Variants in RBFOX1 observed in about 807,000 individuals in gnomAD.
The protein encoded by RBFOX1 is RNA binding fox-1 homolog 1.
Under a neutral mutation model 57.7 loss-of-function variants are expected in RBFOX1, and 8 were observed. That is an observed-to-expected ratio of 0.14 (90% confidence interval 0.08 to 0.25). The LOEUF (loss-of-function observed/expected upper bound fraction) is 0.25. RBFOX1 is among the 10% of genes least tolerant of loss of function. The pLI, the probability that RBFOX1 is intolerant of heterozygous loss-of-function variation, is 1.00. For missense variants in RBFOX1, 611 were observed against 548.5 expected, an observed-to-expected ratio of 1.11 and a Z score of -1.14; for synonymous variants, 326 against 222.4, an observed-to-expected ratio of 1.47 and a Z score of -4.15.
intron 14 of RBFOX1, among the ~76,000 whole-genome samples, chr16:7,683,793 T>C (rs1191055727): frequency 6.6e-6 from 1 of 152,046 alleles, no homozygotes; most frequent in Non-Finnish European, 1.5e-5. Context: ...GGTGTAGCTC[T>C]GTTGAGAATA....
intron 3 of RBFOX1, among the ~76,000 whole-genome samples, chr16:5,683,598 A>G (rs1049648415): frequency 6.6e-6 from 1 of 151,958 alleles, no homozygotes; most frequent in Non-Finnish European, 1.5e-5. Context: ...CCCATGCTGG[A>G]TGCCTCCTGC....
chr16:7,418,539 A>AT (rs1416561284), intron 4 of RBFOX1, among the ~76,000 whole-genome samples: 3 of 152,210 alleles, frequency 2.0e-5, no homozygotes, highest in Non-Finnish European at 4.4e-5. Context: ...ATCTGATGCC[A>AT]TTAAAGTCTC....
intron 1 of RBFOX1, among the ~76,000 whole-genome samples, chr16:6,091,524 G>A (rs1163852297): frequency 3.1e-5 from 3 of 96,730 alleles, no homozygotes; most frequent in African/African-American, 2.0e-4. Flanking sequence ...TACATGGTAG[G>A]TATTCAAAAA....
intron 4 of RBFOX1, among the ~76,000 whole-genome samples, chr16:7,428,485 C>T (rs923463206): frequency 7.1e-6 from 1 of 140,454 alleles, no homozygotes; most frequent in Non-Finnish European, 1.5e-5. Flanking sequence ...CACTACCACT[C>T]CTGGCTATTT....
intron 4 of RBFOX1, among the ~76,000 whole-genome samples, chr16:7,376,170 T>C (rs549041569): frequency 5.3e-5 from 8 of 152,318 alleles, no homozygotes; most frequent in South Asian, 2.1e-4. Context: ...TTGGAACATA[T>C]ATGTTTATGA....
At chr16:6,699,299 CTTTTT>C (rs36062118) in intron 3 of RBFOX1, among the ~76,000 whole-genome samples, 3 of 141,624 alleles carry the variant, frequency 2.1e-5, no homozygotes, top group South Asian at 2.3e-4. Context: ...CCCTATGTTA[CTTTTT>C]TTTTTTTTTT....
chr16:6,877,432 A>C (rs1042525234), intron 3 of RBFOX1, among the ~76,000 whole-genome samples: 1 of 152,128 alleles, frequency 6.6e-6, no homozygotes, highest in Non-Finnish European at 1.5e-5. Flanking sequence ...CACAGAGACA[A>C]GCAAAACCAG....
chr16:6,845,936 A>G (rs2093732301), intron 3 of RBFOX1, among the ~76,000 whole-genome samples: 2 of 152,224 alleles, frequency 1.3e-5, no homozygotes, highest in South Asian at 4.1e-4. Context: ...TCAACCTGCC[A>G]TGGACAGCAG....
intron 4 of RBFOX1, among the ~76,000 whole-genome samples, chr16:7,431,829 T>G (rs2098683198): frequency 6.6e-6 from 1 of 152,194 alleles, no homozygotes; most frequent in Admixed American, 6.5e-5. Context: ...TCTGCTACCC[T>G]AGTGCAGAAC....
intron 2 of RBFOX1, among the ~76,000 whole-genome samples, chr16:6,499,852 A>G (rs1345749006): frequency 6.6e-6 from 1 of 152,146 alleles, no homozygotes; most frequent in Non-Finnish European, 1.5e-5. Flanking sequence ...CTAACAGCTG[A>G]ATGAAGTTGT....
At position 7,000,428 on chromosome 16, in the gene RBFOX1, T is replaced by C. The variant is rs146031470; in HGVS notation, c.-15-51629T>C. On this transcript the variant is annotated intron_variant, in intron 3 of 15. Transcript: ENST00000550418. ...TTTGTTGAGGTCACCGGGTCATTTT[T>C]ATGCAACAGTCTCTACATAGTCTGG... Among the ~76,000 whole-genome samples, 400 of 152,262 alleles carry C rather than the reference T, an allele frequency of 2.6e-3. 4 individuals carry two copies. Among genetic ancestry groups the C allele is most frequent in the African/African-American group, 9.2e-3 (383 of 41,570 alleles).
chr16:7,347,965 G>C (rs1346656483), intron 4 of RBFOX1, among the ~76,000 whole-genome samples: 1 of 152,204 alleles, frequency 6.6e-6, no homozygotes, highest in African/African-American at 2.4e-5. Flanking sequence ...AGAGCTGTCT[G>C]TTTGTAGAAA....
chr16:5,528,757 C>T (rs1432090456), intron 2 of RBFOX1, among the ~76,000 whole-genome samples: 1 of 151,828 alleles, frequency 6.6e-6, no homozygotes, highest in South Asian at 2.1e-4. Flanking sequence ...TCAAGCGATT[C>T]TCCTGCCTCA....
intron 3 of RBFOX1, among the ~76,000 whole-genome samples, chr16:6,732,181 T>G (rs9646297): frequency 1.3e-5 from 2 of 152,126 alleles, no homozygotes; most frequent in African/African-American, 4.8e-5. Context: ...TTTCCAAAGA[T>G]TGACTTTCCC....
At chr16:5,550,595 C>A (rs2045423057) in intron 2 of RBFOX1, among the ~76,000 whole-genome samples, 1 of 152,178 alleles carries the variant, frequency 6.6e-6, no homozygotes, top group African/African-American at 2.4e-5. Flanking sequence ...ATGATGTTGT[C>A]AATTCAATCA....
At chr16:6,860,195 G>T (rs1218059448) in intron 3 of RBFOX1, among the ~76,000 whole-genome samples, 1 of 152,172 alleles carries the variant, frequency 6.6e-6, no homozygotes, top group Non-Finnish European at 1.5e-5. Context: ...TAGCGGAAAT[G>T]AATTCATTCA....
In RBFOX1 at chr16:6,054,098, C is replaced by T. The variant is rs144902689; in HGVS notation, c.-127+34106C>T. ...TTAAAGAAAGAAATAAATGGCACCCCTTGAGTGATGGCTGTAATTGAGGAA... is the reference window on the plus strand; with the variant it reads ...TTAAAGAAAGAAATAAATGGCACCCTTTGAGTGATGGCTGTAATTGAGGAA... On this transcript the variant is annotated intron_variant, in intron 1 of 15. Transcript: ENST00000550418. 3.8e-3 allele frequency among the ~76,000 whole-genome samples: 572 copies of T among 152,080 alleles called. 3 individuals are homozygous for T. Among genetic ancestry groups the T allele is most frequent in the African/African-American group, 0.013 (540 of 41,492 alleles).
At chr16:7,626,900 G>C (rs1389835966) in intron 10 of RBFOX1, among the ~76,000 whole-genome samples, 1 of 152,218 alleles carries the variant, frequency 6.6e-6, no homozygotes, top group Admixed American at 6.5e-5. Context: ...GGGATGAAAA[G>C]ATGAGTATGA....
chr16:6,454,721 TTGTC>T (rs1219194434), intron 2 of RBFOX1, among the ~76,000 whole-genome samples: 5 of 152,120 alleles, frequency 3.3e-5, no homozygotes, highest in African/African-American at 1.2e-4. Context: ...GAAAATGTCT[TTGTC>T]TGTGGTTCAA....
Sources: gnomAD v4.1 joint callset for allele counts (sites outside exome capture counted in the v4.1 genomes callset) on GRCh38, gnomAD v4.1.1 for gene constraint, MANE v1.5 for transcripts, NCBI Gene and HGNC (gene_info 2026-07-23, HGNC 2026-07-21) for gene names.